LHFPL3: variants seen among roughly 807,000 people sequenced by gnomAD.
LHFPL3 encodes the protein LHFPL tetraspan subfamily member 3 protein.
A neutral mutation model predicts 19.3 loss-of-function variants in LHFPL3; 5 were observed. The observed-to-expected ratio is 0.26, with a 90% CI of 0.14 to 0.54. The LOEUF is 0.54. LHFPL3 is among the 20% of genes least tolerant of loss of function. The pLI is 0.94. For missense variants in LHFPL3, 249 were observed against 307.4 expected, an observed-to-expected ratio of 0.81 and a Z score of 1.42; for synonymous variants, 133 against 126.2, an observed-to-expected ratio of 1.05 and a Z score of -0.36.
chr7:104,684,661 T>G (rs1239108013), intron 1 of LHFPL3, among the ~76,000 whole-genome samples: 1 of 152,192 alleles, frequency 6.6e-6, no homozygotes, highest in Non-Finnish European at 1.5e-5. Flanking sequence ...TGGATGCCAC[T>G]GATGTGCTCT....
chr7:104,741,461 CAAAA>C (rs5886331), intron 2 of LHFPL3, among the ~76,000 whole-genome samples: 8 of 92,892 alleles, frequency 8.6e-5, no homozygotes, highest in East Asian at 3.4e-4. Flanking sequence ...TTCTTTATGC[CAAAA>C]AAAAAAAAAA....
intron 1 of LHFPL3, among the ~76,000 whole-genome samples, chr7:104,630,431 C>T (rs369868217): frequency 6.6e-6 from 1 of 151,836 alleles, no homozygotes; most frequent in African/African-American, 2.4e-5. Context: ...TGCAGGGTAG[C>T]GTGCAGATTT....
intron 2 of LHFPL3, among the ~76,000 whole-genome samples, chr7:104,796,156 G>A (rs905854717): frequency 1.3e-5 from 2 of 152,154 alleles, no homozygotes; most frequent in African/African-American, 2.4e-5. Flanking sequence ...GTTAGGGCTC[G>A]AGGAAGCAGG....
At chr7:104,468,825 A>AT (rs1210851609) in intron 1 of LHFPL3, among the ~76,000 whole-genome samples, 68 of 151,630 alleles carry the variant, frequency 4.5e-4, no homozygotes, top group Admixed American at 9.2e-4. Flanking sequence ...CACCCAGCCA[A>AT]TTTTTTTGTA....
At chr7:104,455,405 G>A (rs1792520241) in intron 1 of LHFPL3, among the ~76,000 whole-genome samples, 1 of 152,138 alleles carries the variant, frequency 6.6e-6, no homozygotes, top group Admixed American at 6.5e-5. Flanking sequence ...CAGGGACTTA[G>A]ACTTTCAATT....
At chr7:104,383,997 C>A (rs1006192603) in intron 1 of LHFPL3, among the ~76,000 whole-genome samples, 4 of 152,116 alleles carry the variant, frequency 2.6e-5, no homozygotes, top group African/African-American at 9.7e-5. Context: ...GACTATTAGC[C>A]GCCTGGTTTT....
intron 1 of LHFPL3, among the ~76,000 whole-genome samples, chr7:104,394,805 A>T (rs1297907813): frequency 1.3e-5 from 2 of 151,788 alleles, no homozygotes; most frequent in African/African-American, 4.8e-5. Flanking sequence ...GGTTCAAGCG[A>T]TTCTCCTGCC....
At chr7:104,875,554 T>A (rs903909546) in intron 2 of LHFPL3, among the ~76,000 whole-genome samples, 1 of 152,238 alleles carries the variant, frequency 6.6e-6, no homozygotes, top group Non-Finnish European at 1.5e-5. Flanking sequence ...TCCCAGATGA[T>A]CCAGCTCCAT....
At chr7:104,395,541 A>G (rs970572851) in intron 1 of LHFPL3, among the ~76,000 whole-genome samples, 2 of 152,210 alleles carry the variant, frequency 1.3e-5, no homozygotes, top group Non-Finnish European at 2.9e-5. Context: ...GACACTCTCC[A>G]TAATTTTATG....
chr7:104,719,887 A>C (rs1351713377), intron 1 of LHFPL3, among the ~76,000 whole-genome samples: 1 of 152,176 alleles, frequency 6.6e-6, no homozygotes, highest in Non-Finnish European at 1.5e-5. Context: ...TGACATTTGT[A>C]TGCCTCTGTT....
intron 1 of LHFPL3, among the ~76,000 whole-genome samples, chr7:104,617,442 TC>T (rs1791368044): frequency 6.6e-6 from 1 of 152,220 alleles, no homozygotes. Context: ...ATTTAATTCA[TC>T]CCTTCCAAAG....
intron 1 of LHFPL3, among the ~76,000 whole-genome samples, chr7:104,494,943 G>A (rs907456739): frequency 1.3e-4 from 20 of 151,826 alleles, no homozygotes; most frequent in African/African-American, 4.1e-4. Flanking sequence ...CTTCTGATCC[G>A]ACCATCCATC....
At position 104,783,930 on chromosome 7, in the gene LHFPL3, T is replaced by C. The variant is rs1057020928; in HGVS notation, c.682+47019T>C. 3.5e-4 allele frequency among the ~76,000 whole-genome samples: 53 copies of C among 152,180 alleles called. 1 individual carries two copies. Among genetic ancestry groups the C allele is most frequent in the Admixed American group, 3.3e-3 (51 of 15,270 alleles). On this transcript the variant is annotated intron_variant, in intron 2 of 2. Coordinates refer to ENST00000424859, the MANE Select transcript of LHFPL3 (RefSeq NM_199000.3). ...GTGTAATTAACATGTCCATCAACTT[T>C]CACAGAAGTGACGCTAGTTTGCAAA...
intron 1 of LHFPL3, among the ~76,000 whole-genome samples, chr7:104,691,518 T>C (rs1403048183): frequency 6.6e-6 from 1 of 152,226 alleles, no homozygotes; most frequent in Non-Finnish European, 1.5e-5. Flanking sequence ...ATCTTCCCAG[T>C]GGGCAGAACT....
In LHFPL3 at chr7:104,328,729, G is replaced by T; in HGVS notation, c.-51G>T. The T allele has an allele frequency of 6.8e-7, 1 of 1,470,942 alleles. No individual in the cohort carries two copies. The highest frequency in any genetic ancestry group is 2.5e-5 in the East Asian group (1 of 40,490). 91.1% of individuals were successfully genotyped at this position (1,470,942 alleles called of 1,614,324 possible). On this transcript the variant is annotated 5_prime_UTR_variant, in exon 1 of 3. Coordinates refer to ENST00000424859, the MANE Select transcript of LHFPL3 (RefSeq NM_199000.3). The surrounding 1 kb of genome is among the most constrained non-coding windows in gnomAD (Gnocchi z 4.6). The stretch of plus-strand genomic sequence containing the variant: ...GTGTGTCTCCTGCGCGCTGAGAGGC[G>T]GGGGGAGGCGGAGGACCAGGAGGAG...
At chr7:104,548,931 T>C (rs1794620268) in intron 1 of LHFPL3, among the ~76,000 whole-genome samples, 1 of 152,192 alleles carries the variant, frequency 6.6e-6, no homozygotes, top group African/African-American at 2.4e-5. Flanking sequence ...TAAATGTGTT[T>C]TGATTGAAAT....
intron 1 of LHFPL3, among the ~76,000 whole-genome samples, chr7:104,423,294 C>G (rs1791770689): frequency 6.6e-6 from 1 of 152,096 alleles, no homozygotes; most frequent in Non-Finnish European, 1.5e-5. Flanking sequence ...GGTCATCCAA[C>G]TTGGTCTGGC....
intron 1 of LHFPL3, among the ~76,000 whole-genome samples, chr7:104,605,694 C>G: frequency 6.6e-6 from 1 of 152,036 alleles, no homozygotes; most frequent in East Asian, 1.9e-4. Flanking sequence ...ACTTTATAAC[C>G]CTCAAATCAT....
intron 2 of LHFPL3, among the ~76,000 whole-genome samples, chr7:104,864,496 C>T (rs973720139): frequency 1.1e-4 from 17 of 152,184 alleles, no homozygotes; most frequent in Admixed American, 7.2e-4. Context: ...GAGAGTCCTA[C>T]GCCCAATGTG....
Sources: gnomAD v4.1 joint callset for allele counts (sites outside exome capture counted in the v4.1 genomes callset) on GRCh38, gnomAD v4.1.1 for gene constraint, Gnocchi (gnomAD v3.1) non-coding constraint, MANE v1.5 for transcripts, NCBI Gene and HGNC (gene_info 2026-07-23, HGNC 2026-07-21) for gene names.